Variants in FAM83H observed in about 807,000 individuals in gnomAD.
The protein encoded by FAM83H is protein FAM83H.
Under a neutral mutation model 30.2 loss-of-function variants are expected in FAM83H, and 24 were observed. That is an observed-to-expected ratio of 0.79 (90% CI 0.57 to 1.12). The LOEUF is 1.12. Among genes scored for constraint, FAM83H ranks in the 50% most tolerant of loss-of-function variants. The probability of loss-of-function intolerance (pLI) is 0.00; values close to 1 mark genes in which losing one functional copy is unlikely to be tolerated. For missense variants in FAM83H, 2,038 were observed against 1,773.9 expected, an observed-to-expected ratio of 1.15 and a Z score of -2.67; for synonymous variants, 1,013 against 821.7, an observed-to-expected ratio of 1.23 and a Z score of -3.98.
chr8:143,726,189 G>A lies in FAM83H; in HGVS notation c.3272C>T (p.Ser1091Leu), dbSNP rs782756479. 2.0e-5 allele frequency: 32 copies of A among 1,612,256 alleles called. No individual in the cohort carries two copies. In the Admixed American group the frequency reaches 4.3e-4, roughly 22 times the overall value. Residue 1091 changes from serine to leucine, a missense_variant, in exon 5 of 5, where the codon TCA becomes TTA. Transcript: ENST00000388913. ...APDMSDKDKC[S>L]AIFRSDSLGT... is the part of the protein sequence containing the mutation. ...CAAGCTGTCCGAGCGGAAGATGGCT[G>A]AACACTTGTCCTTGTCGGACATATC...
rs1356097383 is a variant in FAM83H at position 143,730,406 on chromosome 8, T to C, written c.177A>G (p.Glu59=). 6.8e-6 allele frequency: 11 copies of C among 1,613,152 alleles called. No individual in the cohort carries two copies. The highest frequency in any genetic ancestry group is 9.3e-6 in the Non-Finnish European group (11 of 1,180,032). The change falls in exon 2 of 5, where the codon GAA becomes GAG. Residue 59 remains glutamate, a synonymous_variant. Transcript: ENST00000388913. ...TEGAPDFLCP[E]ELEHVSRHLR... ...GGTGTCGGCTCACATGTTCCAGCTC[T>C]TCAGGGCACAGGAAGTCTGGTGCCC...
In FAM83H at chr8:143,725,288, A is replaced by C. The variant is rs980364158; in HGVS notation, c.*633T>G. On this transcript the variant is annotated 3_prime_UTR_variant, in exon 5 of 5. Transcript: ENST00000388913. ...AATGAGGAATTGAGGCACAGAGGCG[A>C]GACCCTTGCAAGAGGATAGGGGACT... The C allele has an allele frequency of 1.3e-5, 2 of 153,940 alleles. No individual in the cohort carries two copies. Among genetic ancestry groups the C allele is most frequent in the African/African-American group, 2.4e-5 (1 of 41,258 alleles). The allele number at this position is 153,940 out of a possible 1,614,324, so 9.5% of individuals were successfully genotyped here. A position where few individuals can be genotyped will look rare whatever the true frequency, so the allele number is the denominator to read the frequency against.
intron 1 of FAM83H, chr8:143,731,634 C>G: frequency 1.0e-6 from 1 of 985,484 alleles, no homozygotes; most frequent in Non-Finnish European, 1.2e-6. Flanking sequence ...ATAAAACCTC[C>G]CTGGGCCACA....
In FAM83H at chr8:143,733,414, C is replaced by T. The variant is rs530851514; in HGVS notation, c.-16+277G>A. On this transcript the variant is annotated intron_variant, in intron 1 of 4. Coordinates refer to ENST00000388913, the MANE Select transcript of FAM83H (RefSeq NM_198488.5). This position sits in a 1 kb window ranked among gnomAD's most constrained non-coding sequence, Gnocchi z 5.6. ...GCGAGTCGGGACGGCCGGGCAGGCT[C>T]GACCCGGATCCCGGGCCCCTTCCCC... is the stretch of plus-strand genomic sequence containing the variant. Among the ~76,000 whole-genome samples, 4 of 152,266 alleles carry T rather than the reference C, an allele frequency of 2.6e-5. No homozygotes were observed. Among genetic ancestry groups the T allele is most frequent in the African/African-American group, 9.6e-5 (4 of 41,572 alleles).
chr8:143,728,841 G>T, intron 4 of FAM83H, 118 bp from the exon 5 acceptor site: 2 of 1,596,370 alleles, frequency 1.3e-6, no homozygotes, highest in South Asian at 1.1e-5. Flanking sequence ...ACCTGGGCCC[G>T]GCTAGGCTGT....
rs568187015 is a variant in FAM83H at position 143,724,649 on chromosome 8, C to G, written c.*1272G>C. ...GGACCACTCCCACCTGCAGGGGTGC[C>G]CAGGACCTAGTTGGGCTCGGCCTCA... On this transcript the variant is annotated 3_prime_UTR_variant, in exon 5 of 5. Coordinates refer to ENST00000388913, the MANE Select transcript of FAM83H (RefSeq NM_198488.5). The G allele has an allele frequency of 6.6e-6, 1 of 152,404 alleles. No individual in the cohort carries two copies. Among genetic ancestry groups the G allele is most frequent in the East Asian group, 1.9e-4 (1 of 5,188 alleles). 9.4% of individuals were successfully genotyped at this position (152,404 alleles called of 1,614,324 possible).
In FAM83H at chr8:143,731,888, C is replaced by G. The variant is rs563649276; in HGVS notation, c.-15-1291G>C. The stretch of plus-strand genomic sequence containing the variant: ...TCAGATGGGGAGCGCCCAGGGCCCA[C>G]GCACACAGGGTCACTGAGCTACCTG... On this transcript the variant is annotated intron_variant, in intron 1 of 4. Transcript: ENST00000388913. 1.0e-4 allele frequency: 101 copies of G among 984,428 alleles called. No individual in the cohort carries two copies. The African/African-American group carries it at 1.4e-3, about 14-fold the overall frequency. The allele number at this position is 984,428 out of a possible 1,614,324, so 61.0% of individuals were successfully genotyped here. A position where few individuals can be genotyped will look rare whatever the true frequency, so the allele number is the denominator to read the frequency against.
intron 2 of FAM83H, among the ~76,000 whole-genome samples, 177 bp from the exon 3 acceptor site, chr8:143,729,500 CAG>C (rs1181153743): frequency 5.9e-5 from 9 of 152,168 alleles, no homozygotes; most frequent in Non-Finnish European, 7.3e-5. Flanking sequence ...AGGGACCAAA[CAG>C]AAGAGGTGTG....
In FAM83H at chr8:143,726,766, C is replaced by G. The variant is rs1554622056; in HGVS notation, c.2695G>C (p.Glu899Gln). 1 of 1,612,074 alleles carries G rather than the reference C, an allele frequency of 6.2e-7. No individual in the cohort carries two copies. Residue 899 changes from glutamate to glutamine, a missense_variant, in exon 5 of 5, where the codon GAG becomes CAG. Transcript: ENST00000388913. ...GCTGAGGTGGGGCTCCCCTTCTGCTCGATAAATCCTGTAGTTGGACTTCCT... is the reference window on the plus strand; with the variant it reads ...GCTGAGGTGGGGCTCCCCTTCTGCTGGATAAATCCTGTAGTTGGACTTCCT... ...RRGSPTTGFI[E>Q]QKGSPTSAYP... is the part of the protein sequence containing the mutation.
At chr8:143,730,674 G>A (rs1441941307) in intron 1 of FAM83H, 77 bp from the exon 2 acceptor site, 3 of 1,062,298 alleles carry the variant, frequency 2.8e-6, no homozygotes, top group Non-Finnish European at 3.9e-6. Flanking sequence ...GACACACTGT[G>A]GAAAGGGCCG....
At chr8:143,731,915 G>GT in intron 1 of FAM83H, 1 of 985,438 alleles carries the variant, frequency 1.0e-6, no homozygotes, top group Non-Finnish European at 1.2e-6. Context: ...AGCTACCTGG[G>GT]TACCTCTCCC....
At position 143,725,728 on chromosome 8, in the gene FAM83H, A is replaced by T; in HGVS notation, c.*193T>A. On this transcript the variant is annotated 3_prime_UTR_variant, in exon 5 of 5. Transcript: ENST00000388913. The stretch of plus-strand genomic sequence containing the variant: ...GTGCAGCCCCAGCGTTGGGGAGGCC[A>T]GGGGGCAGAGACGGCAGCTGCCAGG... 2.2e-6 allele frequency: 2 copies of T among 913,426 alleles called. No individual in the cohort carries two copies. The highest frequency in any genetic ancestry group is 1.7e-5 in the South Asian group (1 of 58,460). The allele number at this position is 913,426 out of a possible 1,614,324, so 56.6% of individuals were successfully genotyped here.
chr8:143,730,113 C>G (rs1162551195), intron 2 of FAM83H, 23 bp downstream of exon 2: 5 of 1,513,624 alleles, frequency 3.3e-6, no homozygotes, highest in Non-Finnish European at 4.4e-6. Flanking sequence ...TCCCCCACTA[C>G]CCTCAAGCCC....
At position 143,728,989 on chromosome 8, in the gene FAM83H, C is replaced by T. The variant is rs546582203; in HGVS notation, c.715G>A (p.Val239Met). 1.9e-6 allele frequency: 3 copies of T among 1,613,722 alleles called. No homozygotes were observed. Among genetic ancestry groups the T allele is most frequent in the African/African-American group, 1.3e-5 (1 of 75,020 alleles). Residue 239 changes from valine (V) to methionine (M), a missense_variant, in exon 4 of 5, where the codon GTG becomes ATG. By Grantham distance (21) the Val-to-Met change is conservative. Coordinates refer to ENST00000388913, the MANE Select transcript of FAM83H (RefSeq NM_198488.5). The stretch of plus-strand genomic sequence containing the variant: ...CACCTGTAGCTCCCACTCATCACCA[C>T]GGCACAGTCCACCAGCAGGAACTTC... The part of the protein sequence containing the change: ...KEKFLLVDCA[V>M]VMSGSYSFMW...
In FAM83H at chr8:143,730,307, C is replaced by A. The variant is rs375358914; in HGVS notation, c.276G>T (p.Ser92=). ...CTGAGTTCACTGGCCAGTATGTACC[C>A]GAGGAGCCATCCATGTCCACGTCGA... ...SLLDVDMDGS[S]GTYWPVNSDQ... The change falls in exon 2 of 5, where the codon TCG becomes TCT. Residue 92 remains serine (S), a synonymous_variant. Coordinates refer to ENST00000388913, the MANE Select transcript of FAM83H (RefSeq NM_198488.5). 3 of 1,613,574 alleles carry A rather than the reference C, an allele frequency of 1.9e-6. No individual in the cohort carries two copies. Among genetic ancestry groups the A allele is most frequent in the Admixed American group, 3.3e-5 (2 of 60,030 alleles).
chr8:143,732,631 T>C (rs1554624796), intron 1 of FAM83H: 1 of 985,368 alleles, frequency 1.0e-6, no homozygotes, highest in East Asian at 1.1e-4. Context: ...CCAGCAGACA[T>C]GCCTCGTCCT....
At position 143,728,341 on chromosome 8, in the gene FAM83H, G is replaced by T; in HGVS notation, c.1120C>A (p.Arg374=). ...GCCTCCAGGCGCCGCGAGAGCGGCCGCAGCCCCGCGTGCGGTTCCAGCGCG... is the reference window on the plus strand; with the variant it reads ...GCCTCCAGGCGCCGCGAGAGCGGCCTCAGCCCCGCGTGCGGTTCCAGCGCG... ...GGALEPHAGL[R]PLSRRLEAEA... is the part of the protein sequence containing the mutation. Residue 374 remains arginine (R), a synonymous_variant, in exon 5 of 5, where the codon CGG becomes AGG. Transcript: ENST00000388913. 6.7e-7 allele frequency: 1 copy of T among 1,499,994 alleles called. No homozygotes were observed. The highest frequency in any genetic ancestry group is 8.9e-7 in the Non-Finnish European group (1 of 1,126,138). The allele number at this position is 1,499,994 out of a possible 1,614,324, so 92.9% of individuals were successfully genotyped here. A position where few individuals can be genotyped will look rare whatever the true frequency, so the allele number is the denominator to read the frequency against.
chr8:143,728,361 A>T lies in FAM83H; in HGVS notation c.1100T>A (p.Leu367Gln). 1 of 1,542,056 alleles carries T rather than the reference A, an allele frequency of 6.5e-7. No homozygotes were observed. Among genetic ancestry groups the T allele is most frequent in the South Asian group, 1.2e-5 (1 of 83,712 alleles). The part of the protein sequence containing the change: ...EEPPRMPGGA[L>Q]EPHAGLRPLS... ...CGGCCGCAGCCCCGCGTGCGGTTCC[A>T]GCGCGCCCCCCGGCATCCGCGGCGG... The change falls in exon 5 of 5, where the codon CTG becomes CAG. Residue 367 changes from leucine (L) to glutamine (Q), a missense_variant. By Grantham distance (113) the Leu-to-Gln change is moderately radical (BLOSUM62 -2). Transcript: ENST00000388913.
rs553270969 is a variant in FAM83H at position 143,733,051 on chromosome 8, C to G, written c.-16+640G>C. On this transcript the variant is annotated intron_variant, in intron 1 of 4. Transcript: ENST00000388913. This position sits in a 1 kb window ranked among gnomAD's most constrained non-coding sequence, Gnocchi z 5.6. Reference sequence around the variant, plus strand: ...CCAAGTTCCGATGGGCGCAGGAGGGCGCGGAGGCTCTAGGCGGCGGAAAGG... The same window carrying G: ...CCAAGTTCCGATGGGCGCAGGAGGGGGCGGAGGCTCTAGGCGGCGGAAAGG... The G allele has an allele frequency of 1.3e-5, 2 of 154,586 alleles. No individual in the cohort carries two copies. The highest frequency in any genetic ancestry group is 4.8e-5 in the African/African-American group (2 of 41,628). The allele number at this position is 154,586 out of a possible 1,614,324, so 9.6% of individuals were successfully genotyped here. A position where few individuals can be genotyped will look rare whatever the true frequency, so the allele number is the denominator to read the frequency against.
Sources: allele counts gnomAD v4.1 joint callset (sites outside exome capture counted in the v4.1 genomes callset), GRCh38; gene constraint gnomAD v4.1.1; non-coding constraint Gnocchi (gnomAD v3.1); transcripts MANE v1.5; gene names NCBI Gene and HGNC (gene_info 2026-07-23, HGNC 2026-07-21).